The following CHRNB3 variants were observed in gnomAD, a reference collection of about 807,000 sequenced individuals.
CHRNB3 encodes cholinergic receptor nicotinic beta 3 subunit.
Under a neutral mutation model 40.6 loss-of-function variants are expected in CHRNB3, and 37 were observed. The observed-to-expected ratio is 0.91, with a 90% confidence interval of 0.70 to 1.20. The LOEUF (loss-of-function observed/expected upper bound fraction) is 1.20. Among genes scored for constraint, CHRNB3 ranks in the 50% most tolerant of loss-of-function variants. The pLI, the probability that CHRNB3 is intolerant of heterozygous loss-of-function variation, is 0.00. For synonymous variants in CHRNB3, 207 were observed against 207.1 expected (o/e 1.00, Z 0.00); for missense variants, 505 against 551.2 (o/e 0.92, Z 0.84).
At chr8:42,734,099 T>C (rs1413749552) in intron 5 of CHRNB3, among the ~76,000 whole-genome samples, 1 of 149,340 alleles carries the variant, frequency 6.7e-6, no homozygotes, top group Non-Finnish European at 1.5e-5. Flanking sequence ...CTACTAAAAA[T>C]ACAAAAATTA....
Position 42,703,435 on chromosome 8 carries a change from A to AAAAAAAAAATAT in CHRNB3, c.53-5281_53-5280insAAAAAAAATATA. Among the ~76,000 whole-genome samples the AAAAAAAAAATAT allele has an allele frequency of 1.6e-3, 78 of 47,388 alleles. 16 individuals carry two copies. The highest frequency in any genetic ancestry group is 3.2e-3 in the Non-Finnish European group (68 of 21,518). 31.1% of individuals were successfully genotyped at this position (47,388 alleles called of 152,430 possible). On this transcript the variant is annotated intron_variant, in intron 1 of 5. Coordinates refer to ENST00000289957, the MANE Select transcript of CHRNB3 (RefSeq NM_000749.5). ...CAAGACTTCGTCTAAAAAAAAAAAAAATATTTATATATATATATATATATA... is the reference window on the plus strand; with the variant it reads ...CAAGACTTCGTCTAAAAAAAAAAAAAAAAAAAAAATATATATTTATATATATATATATATATA...
intron 3 of CHRNB3, among the ~76,000 whole-genome samples, chr8:42,717,157 A>G (rs1054265983): frequency 6.7e-6 from 1 of 148,312 alleles, no homozygotes; most frequent in Non-Finnish European, 1.5e-5. Flanking sequence ...GCGGATCACG[A>G]GGTCAGGAGA....
intron 3 of CHRNB3, among the ~76,000 whole-genome samples, chr8:42,717,849 A>G (rs1191990939): frequency 8.2e-6 from 1 of 122,110 alleles, no homozygotes; most frequent in African/African-American, 3.2e-5. Flanking sequence ...TTTTTGAGGC[A>G]GAGTCTCACT....
At chr8:42,712,603 A>G (rs1816035241) in intron 3 of CHRNB3, among the ~76,000 whole-genome samples, 2 of 152,334 alleles carry the variant, frequency 1.3e-5, no homozygotes, top group East Asian at 3.9e-4. Context: ...ATATAAAAAT[A>G]CCATTTAAAT....
intron 3 of CHRNB3, among the ~76,000 whole-genome samples, chr8:42,727,535 T>C (rs982380890): frequency 2.6e-5 from 4 of 152,152 alleles, no homozygotes; most frequent in African/African-American, 9.7e-5. Context: ...CAAAAGGTGC[T>C]GACAATTGGA....
At chr8:42,734,411 G>C (rs1462991916) in intron 5 of CHRNB3, among the ~76,000 whole-genome samples, 1 of 150,414 alleles carries the variant, frequency 6.6e-6, no homozygotes, top group East Asian at 2.0e-4. Context: ...TAAACAAACT[G>C]ATGAAAGAAT....
rs766232125 is a variant in CHRNB3 at position 42,725,606 on chromosome 8, C to T, written c.250-4988C>T. The T allele has an allele frequency of 6.2e-5, 71 of 1,145,550 alleles. 1 individual carries two copies. Among genetic ancestry groups the T allele is most frequent in the Admixed American group, 2.5e-4 (14 of 55,932 alleles). 71.0% of individuals were successfully genotyped at this position (1,145,550 alleles called of 1,614,324 possible). ...CCCTGATAGCCAGGTATGCCCATCT[C>T]CTTGAGGAAGCCCACTCTATTTTTG... On this transcript the variant is annotated intron_variant, in intron 3 of 5. Transcript: ENST00000289957.
At chr8:42,728,668 A>G (rs1324115451) in intron 3 of CHRNB3, among the ~76,000 whole-genome samples, 1 of 152,188 alleles carries the variant, frequency 6.6e-6, no homozygotes, top group Non-Finnish European at 1.5e-5. Flanking sequence ...GAAACAGAAC[A>G]AATCAGGGAT....
Position 42,731,952 on chromosome 8 carries a change from C to T in CHRNB3, c.645C>T (p.Asp215=), listed in dbSNP as rs371731478. 1.7e-5 allele frequency: 28 copies of T among 1,614,028 alleles called. No individual in the cohort carries two copies. Among genetic ancestry groups the T allele is most frequent in the African/African-American group, 2.7e-5 (2 of 74,890 alleles). Residue 215 remains aspartate, a synonymous_variant, in exon 5 of 6, where the codon GAC becomes GAT. Coordinates refer to ENST00000289957, the MANE Select transcript of CHRNB3 (RefSeq NM_000749.5). ...AGGGGATGAAGGGGAACAGAAGGGA[C>T]GGCGTGTACTCCTATCCCTTTATCA... ...NAKGMKGNRR[D]GVYSYPFITY... is the part of the protein sequence containing the mutation.
chr8:42,734,655 G>A (rs1341147049), intron 5 of CHRNB3, among the ~76,000 whole-genome samples: 4 of 151,588 alleles, frequency 2.6e-5, no homozygotes, highest in Admixed American at 2.6e-4. Context: ...TCCTGACCTC[G>A]TGATCCGCCC....
At position 42,703,435 on chromosome 8, in the gene CHRNB3, A is replaced by AAAAAAAAATATAT; in HGVS notation, c.53-5281_53-5280insAAAAAAATATATA. Among the ~76,000 whole-genome samples, 91 of 47,388 alleles carry AAAAAAAAATATAT rather than the reference A, an allele frequency of 1.9e-3. 14 individuals carry two copies. Among genetic ancestry groups the AAAAAAAAATATAT allele is most frequent in the East Asian group, 0.015 (13 of 878 alleles). 31.1% of individuals were successfully genotyped at this position (47,388 alleles called of 152,430 possible). A position where few individuals can be genotyped will look rare whatever the true frequency, so the allele number is the denominator to read the frequency against. Reference sequence around the variant, plus strand: ...CAAGACTTCGTCTAAAAAAAAAAAAAATATTTATATATATATATATATATA... The same window carrying AAAAAAAAATATAT: ...CAAGACTTCGTCTAAAAAAAAAAAAAAAAAAAAATATATATATTTATATATATATATATATATA... On this transcript the variant is annotated intron_variant, in intron 1 of 5. Transcript: ENST00000289957.
In CHRNB3 at chr8:42,703,435, A is replaced by AAAAAAATATATATATATATATATATATAT; in HGVS notation, c.53-5281_53-5280insAAAAATATATATATATATATATATATATA. Among the ~76,000 whole-genome samples the AAAAAAATATATATATATATATATATATAT allele has an allele frequency of 4.8e-3, 229 of 47,258 alleles. 25 individuals are homozygous for AAAAAAATATATATATATATATATATATAT. Among genetic ancestry groups the AAAAAAATATATATATATATATATATATAT allele is most frequent in the Non-Finnish European group, 7.3e-3 (156 of 21,454 alleles). 31.0% of individuals were successfully genotyped at this position (47,258 alleles called of 152,430 possible). On this transcript the variant is annotated intron_variant, in intron 1 of 5. Coordinates refer to ENST00000289957, the MANE Select transcript of CHRNB3 (RefSeq NM_000749.5). Reference sequence around the variant, plus strand: ...CAAGACTTCGTCTAAAAAAAAAAAAAATATTTATATATATATATATATATA... The same window carrying AAAAAAATATATATATATATATATATATAT: ...CAAGACTTCGTCTAAAAAAAAAAAAAAAAAAATATATATATATATATATATATATATATTTATATATATATATATATATA...
At chr8:42,725,731 A>G (rs1417948825) in intron 3 of CHRNB3, 31 of 919,268 alleles carry the variant, frequency 3.4e-5, no homozygotes, top group Non-Finnish European at 3.2e-5. Flanking sequence ...GTTGTCTGTC[A>G]GAGGGATGGT....
At chr8:42,717,346 CCTGGGTGACAGAGCGAGA>C (rs1816128693) in intron 3 of CHRNB3, among the ~76,000 whole-genome samples, 1 of 87,188 alleles carries the variant, frequency 1.1e-5, no homozygotes, top group Non-Finnish European at 2.2e-5. Context: ...TGCACTCCAG[CCTGGGTGACAGAGCGAGA>C]CTCCGTCTCA....
intron 3 of CHRNB3, among the ~76,000 whole-genome samples, chr8:42,715,799 C>T (rs987507833): frequency 6.6e-6 from 1 of 151,918 alleles, no homozygotes; most frequent in African/African-American, 2.4e-5. Flanking sequence ...TTGTCTTCCT[C>T]CTTTGTACTT....
chr8:42,715,426 C>A (rs1816081970), intron 3 of CHRNB3, among the ~76,000 whole-genome samples: 1 of 152,160 alleles, frequency 6.6e-6, no homozygotes. Flanking sequence ...TCTTTGCAAT[C>A]ATCTCTGTGT....
At chr8:42,724,240 A>G (rs963190429) in intron 3 of CHRNB3, among the ~76,000 whole-genome samples, 4 of 152,170 alleles carry the variant, frequency 2.6e-5, no homozygotes, top group Admixed American at 2.0e-4. Context: ...ACCTCAGGAA[A>G]CTAGTAATAG....
chr8:42,731,866 A>T lies in CHRNB3; in HGVS notation c.559A>T (p.Asn187Tyr). ...DGTMVDLILI[N>Y]ENVDRKDFFD... ...CACCATGGTTGACCTCATTTTGATC[A>T]ATGAAAATGTCGACAGAAAAGACTT... Residue 187 changes from asparagine to tyrosine, a missense_variant, in exon 5 of 6, where the codon AAT becomes TAT. By Grantham distance (143) the Asn-to-Tyr change is moderately radical (BLOSUM62 -2). Transcript: ENST00000289957. 1.2e-6 allele frequency: 2 copies of T among 1,614,174 alleles called. No homozygotes were observed. The highest frequency in any genetic ancestry group is 1.7e-6 in the Non-Finnish European group (2 of 1,180,032).
Position 42,736,720 on chromosome 8 carries a change from C to T in CHRNB3, c.*102C>T, listed in dbSNP as rs1816532078. 11 of 1,365,450 alleles carry T rather than the reference C, an allele frequency of 8.1e-6. No homozygotes were observed. Among genetic ancestry groups the T allele is most frequent in the East Asian group, 2.3e-5 (1 of 43,472 alleles). The allele number at this position is 1,365,450 out of a possible 1,614,324, so 84.6% of individuals were successfully genotyped here. On this transcript the variant is annotated 3_prime_UTR_variant, in exon 6 of 6. Transcript: ENST00000289957. ...GTGCTTGTTCTACGAACCCCGAATG[C>T]GTTGTCTTTGTGGAAATGGAACATC... is the stretch of plus-strand genomic sequence containing the variant.
Sources: allele counts gnomAD v4.1 joint callset (sites outside exome capture counted in the v4.1 genomes callset), GRCh38; gene constraint gnomAD v4.1.1; transcripts MANE v1.5; gene names NCBI Gene and HGNC (gene_info 2026-07-23, HGNC 2026-07-21).